TCF12: variants seen among roughly 807,000 people sequenced by gnomAD.
The protein encoded by TCF12 is DNA-binding protein HTF4.
In TCF12, 45 loss-of-function variants were observed where a neutral mutation model predicts 86.0. That is an observed-to-expected ratio of 0.52 (90% CI 0.41 to 0.67). TCF12 has a LOEUF of 0.67. Among genes scored for constraint, TCF12 ranks in the 30% least tolerant of loss-of-function variants. The pLI is 0.00. For missense variants in TCF12, 881 were observed against 859.9 expected (o/e 1.02, Z -0.31); for synonymous variants, 330 against 299.6 (o/e 1.10, Z -1.05).
At chr15:57,211,783 G>A (rs949755302) in intron 8 of TCF12, among the ~76,000 whole-genome samples, 3 of 152,160 alleles carry the variant, frequency 2.0e-5, no homozygotes, top group Non-Finnish European at 2.9e-5. Context: ...GCGAAACCCT[G>A]TCTCTACTAA....
intron 7 of TCF12, among the ~76,000 whole-genome samples, chr15:57,193,128 T>G (rs1464350089): frequency 1.3e-5 from 2 of 152,194 alleles, no homozygotes; most frequent in African/African-American, 4.8e-5. Context: ...TAAATAGATT[T>G]AACATAAAAA....
chr15:57,158,179 A>G (rs943407945), intron 5 of TCF12, among the ~76,000 whole-genome samples: 1 of 143,750 alleles, frequency 7.0e-6, no homozygotes, highest in Admixed American at 7.1e-5. Flanking sequence ...AAGTCTCAGA[A>G]AGTCGTTTCT....
intron 3 of TCF12, among the ~76,000 whole-genome samples, chr15:57,000,909 G>T (rs1281850286): frequency 2.0e-5 from 3 of 148,422 alleles, no homozygotes; most frequent in Non-Finnish European, 4.5e-5. Flanking sequence ...CAGTTGTCCT[G>T]TTTATTATGA....
intron 3 of TCF12, among the ~76,000 whole-genome samples, chr15:57,009,517 A>G (rs1338642048): frequency 6.6e-6 from 1 of 152,176 alleles, no homozygotes; most frequent in Non-Finnish European, 1.5e-5. Context: ...AAAGATGAGA[A>G]TGGCGAAATT....
intron 3 of TCF12, among the ~76,000 whole-genome samples, chr15:56,921,384 C>T (rs1477572088): frequency 2.6e-5 from 4 of 151,774 alleles, no homozygotes; most frequent in African/African-American, 9.7e-5. Flanking sequence ...TATTAGATGA[C>T]TGAATCCTTT....
rs373104658 is a variant in TCF12 at position 57,232,445 on chromosome 15, G to T, written c.825+15G>T. 3 of 1,587,098 alleles carry T rather than the reference G, an allele frequency of 1.9e-6. No homozygotes were observed. In the South Asian group the frequency reaches 3.5e-5, roughly 18 times the overall value. On this transcript the variant is annotated intron_variant, in intron 10 of 20. Coordinates refer to ENST00000333725, the MANE Select transcript of TCF12 (RefSeq NM_207037.2). ...ATGACCGCTTGGTAGGCTATAACAC[G>T]TGACTAGGGTACAGCAACACTTTGT...
chr15:57,245,285 A>G (rs2059807316), intron 13 of TCF12, among the ~76,000 whole-genome samples: 1 of 152,224 alleles, frequency 6.6e-6, no homozygotes. Context: ...ACTCTCTCAG[A>G]CACCAGGGCT....
intron 3 of TCF12, among the ~76,000 whole-genome samples, chr15:56,938,451 G>T (rs1367148057): frequency 1.3e-5 from 2 of 151,928 alleles, no homozygotes; most frequent in African/African-American, 4.8e-5. Flanking sequence ...GAGCCACCGT[G>T]TCTGGCCTGT....
At chr15:56,918,608 C>T (rs574933602), upstream of TCF12, 39 of 226,966 alleles carry the variant, frequency 1.7e-4, no homozygotes, top group South Asian at 7.7e-4. Context: ...GAAGGGTTAA[C>T]CCGCGGCTCT....
At chr15:57,234,345 C>G (rs940568583) in intron 12 of TCF12, among the ~76,000 whole-genome samples, 1 of 152,202 alleles carries the variant, frequency 6.6e-6, no homozygotes, top group African/African-American at 2.4e-5. Flanking sequence ...CAAGATTAAT[C>G]ATTAAATCTA....
chr15:57,023,565 A>T (rs1314125039), intron 3 of TCF12, among the ~76,000 whole-genome samples: 5 of 152,158 alleles, frequency 3.3e-5, no homozygotes, highest in African/African-American at 1.2e-4. Context: ...ACCTCTTAAT[A>T]ATTATTTATT....
At chr15:57,099,901 A>G (rs551951236) in intron 5 of TCF12, among the ~76,000 whole-genome samples, 1 of 151,198 alleles carries the variant, frequency 6.6e-6, no homozygotes. Context: ...GGTCTAATGG[A>G]TTTTTTGGTG....
chr15:57,217,589 C>T (rs544683668), intron 8 of TCF12, among the ~76,000 whole-genome samples: 2 of 152,164 alleles, frequency 1.3e-5, no homozygotes, highest in African/African-American at 4.8e-5. Flanking sequence ...CAGATTGAAG[C>T]GATGATTATA....
chr15:57,173,856 C>T (rs939156173), intron 6 of TCF12, among the ~76,000 whole-genome samples: 9 of 151,718 alleles, frequency 5.9e-5, no homozygotes, highest in East Asian at 1.9e-4. Context: ...TACAGGTGCC[C>T]GCCACCACGC....
intron 5 of TCF12, among the ~76,000 whole-genome samples, chr15:57,123,750 G>C (rs2051407087): frequency 6.6e-6 from 1 of 151,714 alleles, no homozygotes; most frequent in Non-Finnish European, 1.5e-5. Context: ...AGGAGATCGA[G>C]ACCATCCTGG....
At chr15:57,253,853 T>C (rs1272487078) in intron 16 of TCF12, among the ~76,000 whole-genome samples, 1 of 152,224 alleles carries the variant, frequency 6.6e-6, no homozygotes, top group Non-Finnish European at 1.5e-5. Context: ...TGTGAAACTG[T>C]AATTTATACA....
chr15:57,210,918 A>C (rs915954879), intron 8 of TCF12, among the ~76,000 whole-genome samples: 1 of 152,232 alleles, frequency 6.6e-6, no homozygotes. Flanking sequence ...CAAGTCATAG[A>C]TGGGCACTGC....
Position 57,150,878 on chromosome 15 carries a change from CCTTCCTTCCTTCCTTCCTTCCTT to C in TCF12, c.326-15522_326-15500del, listed in dbSNP as rs1187439048. ...CCCTGTCTCTCCCCCTCTGTCCCTT[CCTTCCTTCCTTCCTTCCTTCCTT>C]CCTTCCTTCCTTCCTTCCTTCCTTC... is the stretch of plus-strand genomic sequence containing the variant. On this transcript the variant is annotated intron_variant, in intron 5 of 20. Transcript: ENST00000333725. Among the ~76,000 whole-genome samples the C allele has an allele frequency of 2.0e-3, 188 of 95,644 alleles. 4 individuals are homozygous for C. The highest frequency in any genetic ancestry group is 3.1e-3 in the South Asian group (7 of 2,270). 62.7% of individuals were successfully genotyped at this position (95,644 alleles called of 152,430 possible).
intron 3 of TCF12, among the ~76,000 whole-genome samples, chr15:56,967,975 A>G (rs745313077): frequency 4.6e-5 from 7 of 151,876 alleles, no homozygotes; most frequent in Admixed American, 1.3e-4. Context: ...TGTTTTTTTG[A>G]GGCAGAGCCT....
Sources: gnomAD v4.1 joint callset for allele counts (sites outside exome capture counted in the v4.1 genomes callset) on GRCh38, gnomAD v4.1.1 for gene constraint, MANE v1.5 for transcripts, NCBI Gene and HGNC (gene_info 2026-07-23, HGNC 2026-07-21) for gene names.